Variants in CCDC169 observed in about 807,000 individuals in gnomAD.
CCDC169 encodes coiled-coil domain containing 169, also known as coiled-coil domain-containing protein 169.
In CCDC169, 30 loss-of-function variants were observed where a neutral mutation model predicts 36.0. That is an observed-to-expected ratio of 0.83 (90% confidence interval 0.62 to 1.13). The LOEUF (loss-of-function observed/expected upper bound fraction) is 1.13, where lower values mean the gene tolerates loss of function less well. Among genes scored for constraint, CCDC169 ranks in the 50% most tolerant of loss-of-function variants. CCDC169 has a pLI of 0.00. For missense variants in CCDC169, 245 were observed against 245.9 expected, an observed-to-expected ratio of 1.00 and a Z score of 0.03; for synonymous variants, 85 against 81.5, an observed-to-expected ratio of 1.04 and a Z score of -0.23.
intron 4 of CCDC169, chr13:36,283,264 A>G (rs1183998818): frequency 1.2e-5 from 7 of 594,802 alleles, no homozygotes; most frequent in African/African-American, 5.6e-5. Flanking sequence ...TCTGCTCTTC[A>G]GGACACCTGT....
At chr13:36,222,412 G>C (rs1260875121), downstream of CCDC169, 1 of 152,196 alleles carries the variant, frequency 6.6e-6, no homozygotes, top group Non-Finnish European at 1.5e-5. Flanking sequence ...GGAGCCCCTT[G>C]AGAGGTGGCT....
At chr13:36,262,579 A>G (rs537265413) in intron 4 of CCDC169, among the ~76,000 whole-genome samples, 5 of 152,314 alleles carry the variant, frequency 3.3e-5, no homozygotes, top group South Asian at 2.1e-4. Context: ...CAAGCCTTCA[A>G]TCATGAAAAC....
chr13:36,248,569 G>A (rs1157723061), intron 7 of CCDC169, 37 bp downstream of exon 7: 6 of 1,539,972 alleles, frequency 3.9e-6, no homozygotes, highest in Non-Finnish European at 5.3e-6. Flanking sequence ...ATGTGCAAAT[G>A]TAACGAATTA....
At chr13:36,257,718 G>GA (rs1345290621) in intron 4 of CCDC169, among the ~76,000 whole-genome samples, 1 of 150,528 alleles carries the variant, frequency 6.6e-6, no homozygotes, top group Admixed American at 6.6e-5. Flanking sequence ...AAGAAAAAAA[G>GA]AAAAAATCTT....
chr13:36,282,044 A>G (rs1877605628), intron 4 of CCDC169, among the ~76,000 whole-genome samples: 1 of 152,218 alleles, frequency 6.6e-6, no homozygotes, highest in Non-Finnish European at 1.5e-5. Flanking sequence ...ACGAGTGCCC[A>G]TCCTTTTGCT....
intron 4 of CCDC169, among the ~76,000 whole-genome samples, chr13:36,265,748 A>G (rs1424001783): frequency 6.6e-6 from 1 of 152,210 alleles, no homozygotes; most frequent in Non-Finnish European, 1.5e-5. Context: ...TACTTCAGAA[A>G]TTAGAGACCC....
At chr13:36,294,434 C>G (rs949579367) in intron 2 of CCDC169, among the ~76,000 whole-genome samples, 9 of 152,280 alleles carry the variant, frequency 5.9e-5, no homozygotes, top group Admixed American at 3.3e-4. Flanking sequence ...ATAGAGGAAG[C>G]TACTTCAGCC....
intron 2 of CCDC169, 39 bp from the exon 3 acceptor site, chr13:36,283,741 C>A: frequency 7.2e-7 from 1 of 1,384,444 alleles, no homozygotes; most frequent in Non-Finnish European, 1.0e-6. Context: ...GATCACCCCA[C>A]CACCTCTCAT....
intron 6 of CCDC169, among the ~76,000 whole-genome samples, chr13:36,250,142 T>C (rs888633032): frequency 6.6e-6 from 1 of 152,118 alleles, no homozygotes; most frequent in Non-Finnish European, 1.5e-5. Context: ...ATGTAGCTAA[T>C]TGAGGGTATG....
At chr13:36,289,566 G>T (rs1416108878) in intron 2 of CCDC169, among the ~76,000 whole-genome samples, 1 of 152,194 alleles carries the variant, frequency 6.6e-6, no homozygotes, top group African/African-American at 2.4e-5. Flanking sequence ...TTAACTTCCA[G>T]GTTGTCTAAA....
chr13:36,235,772 A>G (rs192851303), intron 7 of CCDC169, among the ~76,000 whole-genome samples: 86 of 151,944 alleles, frequency 5.7e-4, no homozygotes, highest in Non-Finnish European at 1.1e-3. Context: ...AGACACATAC[A>G]TGCATTTATG....
chr13:36,255,628 A>C (rs1873767261), intron 4 of CCDC169, among the ~76,000 whole-genome samples: 1 of 146,206 alleles, frequency 6.8e-6, no homozygotes, highest in Non-Finnish European at 1.5e-5. Context: ...GTGCCACTGC[A>C]CTCCAAGCTG....
chr13:36,283,899 C>T (rs1201134547), intron 2 of CCDC169, among the ~76,000 whole-genome samples, 197 bp from the exon 3 acceptor site: 2 of 152,142 alleles, frequency 1.3e-5, no homozygotes, highest in Non-Finnish European at 2.9e-5. Context: ...TAGACTCACA[C>T]TCAGGCTACC....
At chr13:36,242,413 T>C (rs1871948777) in intron 7 of CCDC169, among the ~76,000 whole-genome samples, 1 of 152,138 alleles carries the variant, frequency 6.6e-6, no homozygotes. Flanking sequence ...TACCGTGACT[T>C]CCTTTAAAGA....
At chr13:36,297,253 A>G (rs1879620157) in intron 1 of CCDC169, among the ~76,000 whole-genome samples, 1 of 152,202 alleles carries the variant, frequency 6.6e-6, no homozygotes, top group Non-Finnish European at 1.5e-5. Flanking sequence ...AGTTCCCCTT[A>G]AAGGGATGAA....
chr13:36,238,481 C>T lies in CCDC169; in HGVS notation c.546-7189G>A, dbSNP rs528941798. Among the ~76,000 whole-genome samples the T allele has an allele frequency of 1.6e-4, 25 of 152,084 alleles. 2 individuals carry two copies. The South Asian group carries it at 4.6e-3, about 28-fold the overall frequency. ...CAATTAAAAAATTTTTTTAAATGTGCTTTGGGAATAATCCATTTCCTGTTA... is the reference window on the plus strand; with the variant it reads ...CAATTAAAAAATTTTTTTAAATGTGTTTTGGGAATAATCCATTTCCTGTTA... On this transcript the variant is annotated intron_variant, in intron 7 of 7. Coordinates refer to ENST00000239859, the MANE Select transcript of CCDC169 (RefSeq NM_001144981.3).
chr13:36,243,326 C>G (rs756054056), intron 7 of CCDC169, among the ~76,000 whole-genome samples: 2 of 151,808 alleles, frequency 1.3e-5, no homozygotes, highest in Non-Finnish European at 2.9e-5. Context: ...ATGGCGAAAC[C>G]CTGTCTCTAC....
chr13:36,285,584 A>AGATAGAT (rs1555254443), intron 2 of CCDC169, among the ~76,000 whole-genome samples: 4 of 138,150 alleles, frequency 2.9e-5, no homozygotes, highest in African/African-American at 1.0e-4. Context: ...AAAATAAAAT[A>AGATAGAT]AGATAGATAG....
intron 2 of CCDC169, among the ~76,000 whole-genome samples, chr13:36,289,774 G>A (rs1878653759): frequency 6.6e-6 from 1 of 152,158 alleles, no homozygotes; most frequent in Non-Finnish European, 1.5e-5. Flanking sequence ...TTGCCTTTAA[G>A]TCTTTCAATA....
Sources: allele counts gnomAD v4.1 joint callset (sites outside exome capture counted in the v4.1 genomes callset), GRCh38; gene constraint gnomAD v4.1.1; transcripts MANE v1.5; gene names NCBI Gene and HGNC (gene_info 2026-07-23, HGNC 2026-07-21).